The following SLC35F4 variants were observed in gnomAD, a reference collection of about 807,000 sequenced individuals.
SLC35F4 encodes the protein chromosome 14 open reading frame 36.
Under a neutral mutation model 44.2 loss-of-function variants are expected in SLC35F4, and 24 were observed. The ratio of observed to expected loss-of-function variants is 0.54; its 90% CI spans 0.39 to 0.76. The LOEUF is 0.76. Among genes scored for constraint, SLC35F4 ranks in the 30% least tolerant of loss-of-function variants. The probability of loss-of-function intolerance (pLI) is 0.00; values close to 1 mark genes in which losing one functional copy is unlikely to be tolerated. For synonymous variants in SLC35F4, 238 were observed against 223.6 expected (o/e 1.06, Z -0.57); for missense variants, 562 against 586.1 (o/e 0.96, Z 0.42).
At chr14:57,600,118 G>A (rs2070727821) in intron 1 of SLC35F4, among the ~76,000 whole-genome samples, 1 of 152,186 alleles carries the variant, frequency 6.6e-6, no homozygotes. Flanking sequence ...TCAGGGGTTA[G>A]ATCATATGAT....
chr14:57,712,839 A>G (rs2075847090), intron 1 of SLC35F4, among the ~76,000 whole-genome samples: 1 of 152,234 alleles, frequency 6.6e-6, no homozygotes, highest in Non-Finnish European at 1.5e-5. Context: ...TGGGTGATGT[A>G]AACAATTTTA....
intron 1 of SLC35F4, among the ~76,000 whole-genome samples, chr14:57,618,114 G>C (rs901635158): frequency 6.6e-6 from 1 of 152,146 alleles, no homozygotes; most frequent in African/African-American, 2.4e-5. Flanking sequence ...GTTTCTATCT[G>C]ACATTTAGGA....
At chr14:57,598,200 T>C (rs2139957877) in intron 1 of SLC35F4, among the ~76,000 whole-genome samples, 1 of 152,310 alleles carries the variant, frequency 6.6e-6, no homozygotes, top group East Asian at 1.9e-4. Flanking sequence ...GCTGCTTACC[T>C]TTCTCTGCGG....
At position 57,880,030 on chromosome 14, in the gene SLC35F4, GAGGGAGGAAGGAAGGAAGGAAGGAAGGA is replaced by G. The variant is rs1463520226; in HGVS notation, n.282+101855_282+101882del. 5.1e-3 allele frequency among the ~76,000 whole-genome samples: 610 copies of G among 120,152 alleles called. 12 individuals carry two copies. The highest frequency in any genetic ancestry group is 0.02 in the African/African-American group (571 of 28,570). 78.8% of individuals were successfully genotyped at this position (120,152 alleles called of 152,430 possible). ...GAAGGGAAAGGAAAGGAAAGGAAAG[GAGGGAGGAAGGAAGGAAGGAAGGAAGGA>G]AGGAAGGAAGGAAGGAAGGAAGGAA... On this transcript the variant is annotated intron_variant and non_coding_transcript_variant, in intron 1 of 1. Transcript: ENST00000556568.
rs954370920 is a variant in SLC35F4, at chr14:57,862,315, C to T, written c.103+3408G>A. On this transcript the variant is annotated intron_variant, in intron 1 of 7. Coordinates refer to ENST00000556826, the MANE Select transcript of SLC35F4 (RefSeq NM_001306087.2). ...TCAAGCCACCATCATGTCTCACCTA[C>T]GTTATCACAATAACATACTAATTAG... Among the ~76,000 whole-genome samples, 17 of 152,312 alleles carry T rather than the reference C, an allele frequency of 1.1e-4. No individual in the cohort carries two copies. In the East Asian group the frequency reaches 1.9e-3, roughly 17 times the overall value.
chr14:57,742,947 G>C (rs1460156674), intron 1 of SLC35F4, among the ~76,000 whole-genome samples: 1 of 152,110 alleles, frequency 6.6e-6, no homozygotes, highest in Non-Finnish European at 1.5e-5. Context: ...TATATGGAAT[G>C]TGAACAACCT....
At chr14:57,959,141 T>A (rs769374913) in intron 1 of SLC35F4, among the ~76,000 whole-genome samples, 16 of 152,180 alleles carry the variant, frequency 1.1e-4, no homozygotes, top group Non-Finnish European at 2.2e-4. Flanking sequence ...CTAGGCACTG[T>A]GTGAACAATA....
At chr14:57,695,504 T>G (rs894121984) in intron 1 of SLC35F4, among the ~76,000 whole-genome samples, 5 of 151,062 alleles carry the variant, frequency 3.3e-5, no homozygotes, top group Non-Finnish European at 7.4e-5. Flanking sequence ...TGGCAATCAT[T>G]AAAAAGTCAG....
intron 1 of SLC35F4, among the ~76,000 whole-genome samples, chr14:57,765,785 G>A: frequency 6.6e-6 from 1 of 152,134 alleles, no homozygotes; most frequent in East Asian, 1.9e-4. Context: ...AAATTAATAT[G>A]GGCTATAAGT....
intron 1 of SLC35F4, among the ~76,000 whole-genome samples, chr14:57,774,248 A>G (rs1712748317): frequency 6.6e-6 from 1 of 152,154 alleles, no homozygotes; most frequent in African/African-American, 2.4e-5. Flanking sequence ...ACCACACCCC[A>G]GGACTTGTTC....
chr14:57,660,531 G>T (rs1057058028), intron 1 of SLC35F4, among the ~76,000 whole-genome samples: 3 of 147,068 alleles, frequency 2.0e-5, no homozygotes, highest in Middle Eastern at 3.5e-3. Flanking sequence ...GGTCACATGG[G>T]GACCACACAA....
rs1016756338 is a variant in SLC35F4 at position 57,607,638 on chromosome 14, C to G, written c.104-13514G>C. 4.6e-5 allele frequency among the ~76,000 whole-genome samples: 7 copies of G among 152,222 alleles called. No individual in the cohort carries two copies. In the South Asian group the frequency reaches 1.2e-3, roughly 27 times the overall value. ...TCGGCCAATGCCCACTTCCAAGACACTCACTGCCATTTGAAAGGATTTAAG... is the reference window on the plus strand; with the variant it reads ...TCGGCCAATGCCCACTTCCAAGACAGTCACTGCCATTTGAAAGGATTTAAG... On this transcript the variant is annotated intron_variant, in intron 1 of 7. Coordinates refer to ENST00000556826, the MANE Select transcript of SLC35F4 (RefSeq NM_001306087.2).
chr14:57,956,495 G>T (rs917084403), intron 1 of SLC35F4, among the ~76,000 whole-genome samples: 1 of 152,146 alleles, frequency 6.6e-6, no homozygotes, highest in African/African-American at 2.4e-5. Flanking sequence ...TCATCAGAGT[G>T]AACAGGCAAC....
intron 1 of SLC35F4, among the ~76,000 whole-genome samples, chr14:57,943,454 TC>T (rs1285768513): frequency 6.6e-6 from 1 of 152,230 alleles, no homozygotes; most frequent in Non-Finnish European, 1.5e-5. Flanking sequence ...AAACTTTATA[TC>T]ATTTGTTGTG....
chr14:57,853,070 G>C (rs1886729759), intron 1 of SLC35F4, among the ~76,000 whole-genome samples: 1 of 152,192 alleles, frequency 6.6e-6, no homozygotes. Flanking sequence ...ACTGTACATT[G>C]AATCGGAAAG....
At chr14:57,849,573 T>C (rs1182950057) in intron 1 of SLC35F4, among the ~76,000 whole-genome samples, 2 of 152,170 alleles carry the variant, frequency 1.3e-5, no homozygotes, top group African/African-American at 4.8e-5. Flanking sequence ...AGAGAAGATA[T>C]TCTATCCATA....
chr14:57,944,690 GAAAGAAAAGAA>G (rs751918784), intron 1 of SLC35F4, among the ~76,000 whole-genome samples: 3 of 88,768 alleles, frequency 3.4e-5, no homozygotes, highest in African/African-American at 1.2e-4. Flanking sequence ...AGAAAAGAAA[GAAAGAAAAGAA>G]AGAAAGAAAG....
chr14:57,878,813 A>G (rs915246414), intron 1 of SLC35F4, among the ~76,000 whole-genome samples: 1 of 152,176 alleles, frequency 6.6e-6, no homozygotes, highest in East Asian at 1.9e-4. Context: ...AGATATTTCC[A>G]AAATTAGTTG....
intron 5 of SLC35F4, 37 bp from the exon 6 acceptor site, chr14:57,570,017 CTT>C (rs1451304083): frequency 6.5e-7 from 1 of 1,542,460 alleles, no homozygotes; most frequent in South Asian, 1.3e-5. Context: ...CACACAGAAA[CTT>C]AGCCAGAGCA....
Sources: gnomAD v4.1 joint callset for allele counts (sites outside exome capture counted in the v4.1 genomes callset) on GRCh38, gnomAD v4.1.1 for gene constraint, MANE v1.5 for transcripts, NCBI Gene and HGNC (gene_info 2026-07-23, HGNC 2026-07-21) for gene names.